ZFHX4: variants seen among roughly 807,000 people sequenced by gnomAD.
ZFHX4 encodes the protein zinc finger homeobox protein 4.
Under a neutral mutation model 267.6 loss-of-function variants are expected in ZFHX4, and 56 were observed. The ratio of observed to expected loss-of-function variants is 0.21; its 90% CI spans 0.17 to 0.26. The LOEUF (loss-of-function observed/expected upper bound fraction) is 0.26, where lower values mean the gene tolerates loss of function less well. Among genes scored for constraint, ZFHX4 ranks in the 10% least tolerant of loss-of-function variants. The pLI is 1.00. For missense variants in ZFHX4, 4,332 were observed against 4,420.0 expected, an observed-to-expected ratio of 0.98 and a Z score of 0.56; for synonymous variants, 1,778 against 1,665.6, an observed-to-expected ratio of 1.07 and a Z score of -1.64.
chr8:76,852,578 A>G lies in ZFHX4; in HGVS notation c.5657A>G (p.Lys1886Arg), dbSNP rs774058175. Reference protein sequence around the residue: ...GEGLKEGKDTKKQKSLEPSIP... With the variant: ...GEGLKEGKDTRKQKSLEPSIP... ...GGACTCAAAGAAGGCAAAGACACAA[A>G]GAAGCAAAAATCCTTGGAACCATCC... is the stretch of plus-strand genomic sequence containing the variant. Residue 1886 changes from lysine to arginine, a missense_variant, in exon 10 of 11, where the codon AAG becomes AGG. Around this residue, in one of 7 missense-constraint regions of ZFHX4, gnomAD observed 1,371 missense variants for 1,423.1 expected, o/e 0.96. Coordinates refer to ENST00000651372, the MANE Select transcript of ZFHX4 (RefSeq NM_024721.5). The G allele has an allele frequency of 6.2e-7, 1 of 1,611,702 alleles. No individual in the cohort carries two copies. The highest frequency in any genetic ancestry group is 2.2e-5 in the East Asian group (1 of 44,786).
chr8:76,755,175 ATTGAG>A (rs1360471776), intron 3 of ZFHX4, among the ~76,000 whole-genome samples: 2 of 152,034 alleles, frequency 1.3e-5, no homozygotes, highest in South Asian at 2.1e-4. Flanking sequence ...ACAATTTTTC[ATTGAG>A]TTATTTGTCT....
chr8:76,721,844 G>C (rs1451917906), intron 3 of ZFHX4, among the ~76,000 whole-genome samples: 1 of 152,062 alleles, frequency 6.6e-6, no homozygotes, highest in Non-Finnish European at 1.5e-5. Flanking sequence ...CTCCACCCAT[G>C]TGATGTTTGT....
intron 3 of ZFHX4, among the ~76,000 whole-genome samples, chr8:76,737,975 G>T (rs1479943586): frequency 6.6e-6 from 1 of 152,098 alleles, no homozygotes; most frequent in Non-Finnish European, 1.5e-5. Flanking sequence ...CTCTGGAAGG[G>T]AACAGTGTGG....
chr8:76,773,541 C>T (rs1810323751), intron 3 of ZFHX4, among the ~76,000 whole-genome samples: 1 of 152,054 alleles, frequency 6.6e-6, no homozygotes, highest in Non-Finnish European at 1.5e-5. Flanking sequence ...GAGTCCCCAT[C>T]CTCCTGATAT....
intron 5 of ZFHX4, among the ~76,000 whole-genome samples, chr8:76,837,184 A>G (rs1448286436): frequency 6.6e-6 from 1 of 152,158 alleles, no homozygotes; most frequent in Non-Finnish European, 1.5e-5. Context: ...AATACTGGAG[A>G]CACTCAAGTA....
intron 4 of ZFHX4, among the ~76,000 whole-genome samples, chr8:76,813,038 C>T (rs1161122328): frequency 6.6e-6 from 1 of 151,970 alleles, no homozygotes; most frequent in African/African-American, 2.4e-5. Context: ...TGCTTCATGG[C>T]CTTTCTCAGG....
intron 3 of ZFHX4, among the ~76,000 whole-genome samples, chr8:76,719,226 A>G (rs964454630): frequency 6.6e-6 from 1 of 151,222 alleles, no homozygotes; most frequent in Non-Finnish European, 1.5e-5. Flanking sequence ...AGAATAGAAT[A>G]TATAAAAATG....
rs1812299943 is a variant in ZFHX4, at chr8:76,843,894, T to C, written c.3511+1123T>C. On this transcript the variant is annotated intron_variant, in intron 6 of 10. Transcript: ENST00000651372. Reference sequence around the variant, plus strand: ...TTAAAAATTATCTGAAGGGCCTCTCTGCACCCCTCCCCACACTGTTCAGTA... The same window carrying C: ...TTAAAAATTATCTGAAGGGCCTCTCCGCACCCCTCCCCACACTGTTCAGTA... Among the ~76,000 whole-genome samples the C allele has an allele frequency of 1.3e-5, 2 of 152,138 alleles. 1 individual carries two copies. The highest frequency in any genetic ancestry group is 1.3e-4 in the Admixed American group (2 of 15,260).
chr8:76,681,457 C>T lies in ZFHX4; in HGVS notation c.-210C>T, dbSNP rs975748118. Reference sequence around the variant, plus strand: ...GCTCCATGCCCCCCACTTTCTGCTCCAGCGTTTTTATTTTCACCCAATAAA... The same window carrying T: ...GCTCCATGCCCCCCACTTTCTGCTCTAGCGTTTTTATTTTCACCCAATAAA... On this transcript the variant is annotated 5_prime_UTR_variant, in exon 1 of 11. Coordinates refer to ENST00000651372, the MANE Select transcript of ZFHX4 (RefSeq NM_024721.5). 2.0e-5 allele frequency: 8 copies of T among 398,380 alleles called. No individual in the cohort carries two copies. Among genetic ancestry groups the T allele is most frequent in the African/African-American group, 1.4e-4 (7 of 48,398 alleles). The allele number at this position is 398,380 out of a possible 1,614,324, so 24.7% of individuals were successfully genotyped here.
Position 76,818,916 on chromosome 8 carries a change from A to T in ZFHX4, c.3326-14422A>T, listed in dbSNP as rs180687647. 3.3e-5 allele frequency among the ~76,000 whole-genome samples: 5 copies of T among 150,590 alleles called. No individual in the cohort carries two copies. The East Asian group carries it at 5.8e-4, about 18-fold the overall frequency. On this transcript the variant is annotated intron_variant, in intron 4 of 10. Transcript: ENST00000651372. ...TAGGTGACACAGCGAGACCTTGCCT[A>T]AAAAAAAAGAAAAGAAATCCAGAGT...
chr8:76,850,046 A>G (rs535737050), intron 8 of ZFHX4, 199 bp from the exon 9 acceptor site: 47 of 547,604 alleles, frequency 8.6e-5, no homozygotes, highest in Middle Eastern at 4.0e-4. Flanking sequence ...CCTTTAAGCC[A>G]TAATAATAAT....
At position 76,850,012 on chromosome 8, in the gene ZFHX4, T is replaced by C. The variant is rs1002266270; in HGVS notation, c.3847-233T>C. 10 of 570,526 alleles carry C rather than the reference T, an allele frequency of 1.8e-5. No individual in the cohort carries two copies. The Admixed American group carries it at 2.3e-4, about 13-fold the overall frequency. 35.3% of individuals were successfully genotyped at this position (570,526 alleles called of 1,614,324 possible). A position where few individuals can be genotyped will look rare whatever the true frequency, so the allele number is the denominator to read the frequency against. On this transcript the variant is annotated intron_variant, in intron 8 of 10. Transcript: ENST00000651372. ...CATTTCAAACTTGCTTCATTATCATTATAAAAAAATAAACCTACAGGAACC... is the reference window on the plus strand; with the variant it reads ...CATTTCAAACTTGCTTCATTATCATCATAAAAAAATAAACCTACAGGAACC...
chr8:76,809,813 T>C (rs1253118582), intron 4 of ZFHX4, among the ~76,000 whole-genome samples: 1 of 152,106 alleles, frequency 6.6e-6, no homozygotes, highest in African/African-American at 2.4e-5. Context: ...AATAATAGAA[T>C]TTGTGTGATT....
rs1808254740 is a variant in ZFHX4, at chr8:76,705,954, G to T, written c.1866G>T (p.Leu622Phe). The change falls in exon 2 of 11, where the codon TTG becomes TTT. Residue 622 changes from leucine to phenylalanine, a missense_variant. Leu to Phe is a conservative substitution (Grantham distance 22, BLOSUM62 0). This residue lies in a region of ZFHX4 where 1,195 missense variants were observed against 1,173.6 expected (regional missense o/e 1.02). Coordinates refer to ENST00000651372, the MANE Select transcript of ZFHX4 (RefSeq NM_024721.5). The stretch of plus-strand genomic sequence containing the variant: ...AGTGTCCAAAGTGCGACACTGTGTT[G>T]GGGTCTTCGAGGTCTCTTGGTGGTC... Reference protein sequence around the residue: ...GIECPKCDTVLGSSRSLGGHM... With the variant: ...GIECPKCDTVFGSSRSLGGHM... 6.2e-7 allele frequency: 1 copy of T among 1,613,392 alleles called. No individual in the cohort carries two copies. Among genetic ancestry groups the T allele is most frequent in the Non-Finnish European group, 8.5e-7 (1 of 1,179,710 alleles).
Position 76,706,509 on chromosome 8 carries a change from T to A in ZFHX4, c.2421T>A (p.His807Gln). The A allele has an allele frequency of 1.2e-6, 2 of 1,613,870 alleles. No homozygotes were observed. Among genetic ancestry groups the A allele is most frequent in the Non-Finnish European group, 1.7e-6 (2 of 1,179,830 alleles). ...LLQQNMKQIQ[H>Q]NLHLGLAPAE... ...AGCAGAACATGAAGCAGATCCAGCA[T>A]AATCTGCACTTGGGCCTCGCCCCGG... The change falls in exon 2 of 11, where the codon CAT becomes CAA. Residue 807 changes from histidine to glutamine, a missense_variant. Coordinates refer to ENST00000651372, the MANE Select transcript of ZFHX4 (RefSeq NM_024721.5).
chr8:76,761,105 G>A (rs2131729745), intron 3 of ZFHX4, among the ~76,000 whole-genome samples: 1 of 152,184 alleles, frequency 6.6e-6, no homozygotes, highest in East Asian at 1.9e-4. Flanking sequence ...AACCCATTCT[G>A]CATTCAAATT....
chr8:76,843,103 T>C (rs1374480013), intron 6 of ZFHX4, among the ~76,000 whole-genome samples: 1 of 152,236 alleles, frequency 6.6e-6, no homozygotes, highest in Non-Finnish European at 1.5e-5. Flanking sequence ...ATCTTAGCTA[T>C]ACTTGTGATT....
At chr8:76,723,379 G>A (rs567533162) in intron 3 of ZFHX4, among the ~76,000 whole-genome samples, 61 of 152,086 alleles carry the variant, frequency 4.0e-4, no homozygotes, top group Admixed American at 2.6e-3. Flanking sequence ...CTGAGATTAT[G>A]CTGAGCTTTA....
chr8:76,809,614 C>T (rs566027191), intron 4 of ZFHX4, among the ~76,000 whole-genome samples: 23 of 152,236 alleles, frequency 1.5e-4, no homozygotes, highest in South Asian at 2.1e-4. Context: ...ATCAGTACCC[C>T]TTTCCACAGA....
Sources: allele counts gnomAD v4.1 joint callset (sites outside exome capture counted in the v4.1 genomes callset), GRCh38; gene constraint gnomAD v4.1.1; regional missense constraint gnomAD v4.1.1; transcripts MANE v1.5; gene names NCBI Gene and HGNC (gene_info 2026-07-23, HGNC 2026-07-21).